The following RPA3 variants were observed in gnomAD, a reference collection of about 807,000 sequenced individuals.
RPA3 encodes replication protein A 14 kDa subunit.
RPA3 carries 24 observed loss-of-function variants against 13.7 expected under a neutral mutation model. That is an observed-to-expected ratio of 1.75 (90% CI 1.27 to 2.46). RPA3 has a LOEUF of 2.46. RPA3 is among the 30% of genes most tolerant of loss of function. RPA3 has a pLI of 0.00. For missense variants in RPA3, 183 were observed against 151.0 expected (o/e 1.21, Z -1.11); for synonymous variants, 59 against 51.2 (o/e 1.15, Z -0.65).
chr7:7,657,787 C>A (rs1351537757), intron 4 of RPA3, among the ~76,000 whole-genome samples: 1 of 152,234 alleles, frequency 6.6e-6, no homozygotes, highest in Middle Eastern at 3.4e-3. Context: ...ATTATCTTGG[C>A]TATGTGGGCT....
At chr7:7,698,573 T>C (rs1373898478) in intron 2 of RPA3, among the ~76,000 whole-genome samples, 1 of 152,172 alleles carries the variant, frequency 6.6e-6, no homozygotes, top group Non-Finnish European at 1.5e-5. Context: ...TTTGTAGTAT[T>C]TCGTAGAACT....
At chr7:7,697,349 G>A (rs1260512192) in intron 2 of RPA3, among the ~76,000 whole-genome samples, 1 of 152,110 alleles carries the variant, frequency 6.6e-6, no homozygotes, top group Admixed American at 6.6e-5. Flanking sequence ...CAGACAAGTT[G>A]CAGCATTTAA....
intron 4 of RPA3, among the ~76,000 whole-genome samples, chr7:7,649,551 C>G (rs1306377171): frequency 6.6e-6 from 1 of 152,108 alleles, no homozygotes; most frequent in African/African-American, 2.4e-5. Flanking sequence ...CAGTTTTTTG[C>G]TTCCTATGTG....
At position 7,636,615 on chromosome 7, in the gene RPA3, A is replaced by G. The variant is rs769195675; in HGVS notation, c.*385T>C. The stretch of plus-strand genomic sequence containing the variant: ...AGCAAATCCTTAACACAGCTGGCCC[A>G]AGGTTTTATTTGGTAGGTCTAAATC... On this transcript the variant is annotated 3_prime_UTR_variant, in exon 8 of 8. Transcript: ENST00000223129. 13 of 164,810 alleles carry G rather than the reference A, an allele frequency of 7.9e-5. No individual in the cohort carries two copies. The highest frequency in any genetic ancestry group is 1.3e-4 in the Non-Finnish European group (10 of 76,830). The allele number at this position is 164,810 out of a possible 1,614,324, so 10.2% of individuals were successfully genotyped here.
chr7:7,636,723 C>A lies in RPA3; in HGVS notation c.*277G>T, dbSNP rs184382989. ...AAAATGAAATGACCGATAGTACGTA[C>A]CATTTTAGTTTTTATTAATAAAATA... is the stretch of plus-strand genomic sequence containing the variant. On this transcript the variant is annotated 3_prime_UTR_variant, in exon 8 of 8. Coordinates refer to ENST00000223129, the MANE Select transcript of RPA3 (RefSeq NM_002947.5). The A allele has an allele frequency of 3.1e-6, 1 of 325,968 alleles. No homozygotes were observed. The highest frequency in any genetic ancestry group is 4.5e-5 in the South Asian group (1 of 22,404). 20.2% of individuals were successfully genotyped at this position (325,968 alleles called of 1,614,324 possible).
chr7:7,703,540 A>G (rs569878039), intron 2 of RPA3, among the ~76,000 whole-genome samples: 1 of 152,358 alleles, frequency 6.6e-6, no homozygotes, highest in African/African-American at 2.4e-5. Flanking sequence ...TGAATCCCAG[A>G]GGTCCTGACT....
chr7:7,671,727 C>G (rs1052240885), intron 4 of RPA3, among the ~76,000 whole-genome samples: 2 of 151,634 alleles, frequency 1.3e-5, no homozygotes, highest in Non-Finnish European at 2.9e-5. Flanking sequence ...TTTGCTTTTT[C>G]ATCTAATCTT....
chr7:7,651,382 A>G (rs1785220194), intron 4 of RPA3, among the ~76,000 whole-genome samples: 1 of 152,148 alleles, frequency 6.6e-6, no homozygotes, highest in Non-Finnish European at 1.5e-5. Flanking sequence ...GTGGCAGGCC[A>G]AAAGGCAACA....
rs926661363 is a variant in RPA3, at chr7:7,661,320, A to G, written c.-757-20145T>C. On this transcript the variant is annotated intron_variant, in intron 4 of 7. Coordinates refer to ENST00000223129, the MANE Select transcript of RPA3 (RefSeq NM_002947.5). ...CCATCTCTGAAGCCTCCTTCTTTCA[A>G]TTTGTCAAACTCACCATTTTTGTTC... 6.6e-5 allele frequency among the ~76,000 whole-genome samples: 10 copies of G among 151,956 alleles called. No homozygotes were observed. The East Asian group carries it at 1.9e-3, about 29-fold the overall frequency.
chr7:7,670,602 C>T (rs549833102), intron 4 of RPA3, among the ~76,000 whole-genome samples: 1 of 152,144 alleles, frequency 6.6e-6, no homozygotes, highest in Non-Finnish European at 1.5e-5. Context: ...TCTCATTGCC[C>T]CATTCAGATA....
At chr7:7,717,855 C>T (rs1426589612) in intron 1 of RPA3, among the ~76,000 whole-genome samples, 1 of 152,110 alleles carries the variant, frequency 6.6e-6, no homozygotes, top group African/African-American at 2.4e-5. Flanking sequence ...TATGATTGGC[C>T]ATAATTATCA....
At chr7:7,694,262 G>C (rs1325200695) in intron 2 of RPA3, among the ~76,000 whole-genome samples, 3 of 151,756 alleles carry the variant, frequency 2.0e-5, no homozygotes, top group Non-Finnish European at 2.9e-5. Context: ...TATATAGTAG[G>C]TATATATATT....
At chr7:7,713,390 T>A (rs182599538) in intron 2 of RPA3, among the ~76,000 whole-genome samples, 1 of 150,712 alleles carries the variant, frequency 6.6e-6, no homozygotes, top group East Asian at 1.9e-4. Flanking sequence ...TCTAAGTTTA[T>A]AGACAGAGTT....
chr7:7,680,646 C>T (rs1779885997), intron 4 of RPA3, among the ~76,000 whole-genome samples: 1 of 151,978 alleles, frequency 6.6e-6, no homozygotes, highest in South Asian at 2.1e-4. Flanking sequence ...GACATTTTAA[C>T]AATACTGATT....
chr7:7,715,504 A>G (rs991491330), intron 1 of RPA3, among the ~76,000 whole-genome samples: 3 of 152,218 alleles, frequency 2.0e-5, no homozygotes, highest in East Asian at 1.9e-4. Context: ...ACATTCATGC[A>G]TTCCGACAAT....
intron 2 of RPA3, among the ~76,000 whole-genome samples, chr7:7,705,637 A>G (rs1780579721): frequency 6.6e-6 from 1 of 152,216 alleles, no homozygotes; most frequent in Non-Finnish European, 1.5e-5. Context: ...AAACAGTCGA[A>G]CTTATTTATA....
intron 4 of RPA3, among the ~76,000 whole-genome samples, chr7:7,666,132 G>C (rs1466397641): frequency 6.6e-6 from 1 of 152,132 alleles, no homozygotes; most frequent in Non-Finnish European, 1.5e-5. Context: ...AAGTGTACAA[G>C]AGTTCCAGTT....
chr7:7,688,343 C>T (rs912577426), intron 2 of RPA3, among the ~76,000 whole-genome samples: 22 of 152,160 alleles, frequency 1.4e-4, no homozygotes, highest in African/African-American at 4.8e-4. Flanking sequence ...ACTAGTTTGG[C>T]GTCAGAAAGT....
At chr7:7,656,135 A>G (rs1458976067) in intron 4 of RPA3, among the ~76,000 whole-genome samples, 1 of 152,042 alleles carries the variant, frequency 6.6e-6, no homozygotes, top group Non-Finnish European at 1.5e-5. Context: ...GCGCCTGGCC[A>G]GGACAGGCTC....
Sources: allele counts gnomAD v4.1 joint callset (sites outside exome capture counted in the v4.1 genomes callset), GRCh38; gene constraint gnomAD v4.1.1; transcripts MANE v1.5; gene names NCBI Gene and HGNC (gene_info 2026-07-23, HGNC 2026-07-21).